CAPN2: variants seen among roughly 807,000 people sequenced by gnomAD.
CAPN2 encodes the protein calpain-2 catalytic subunit.
In CAPN2, 92 loss-of-function variants were observed where a neutral mutation model predicts 102.3. That is an observed-to-expected ratio of 0.90 (90% CI 0.76 to 1.07). The LOEUF (loss-of-function observed/expected upper bound fraction) is 1.07. Ranked by LOEUF, CAPN2 falls within the 50% of genes least tolerant of loss-of-function variation. CAPN2 has a pLI of 0.00. For missense variants in CAPN2, 800 were observed against 909.4 expected (o/e 0.88, Z 1.55); for synonymous variants, 340 against 355.4 (o/e 0.96, Z 0.49).
intron 2 of CAPN2, among the ~76,000 whole-genome samples, chr1:223,738,005 T>C (rs1660511116): frequency 6.6e-6 from 1 of 152,210 alleles, no homozygotes; most frequent in African/African-American, 2.4e-5. Context: ...AGTTCTATAC[T>C]GTTTTAATTG....
chr1:223,736,783 G>A (rs1015416633), intron 2 of CAPN2, among the ~76,000 whole-genome samples: 3 of 152,180 alleles, frequency 2.0e-5, no homozygotes, highest in African/African-American at 4.8e-5. Context: ...GGTGGCTCAC[G>A]CCTGTAATCC....
chr1:223,708,342 T>G (rs369780589), upstream of CAPN2, among the ~76,000 whole-genome samples: 2 of 151,836 alleles, frequency 1.3e-5, no homozygotes, highest in Non-Finnish European at 2.9e-5. Context: ...GGAGAATCAC[T>G]TGAACCGGGA....
chr1:223,702,355 A>T (rs1200037266), intron 1 of CAPN2, among the ~76,000 whole-genome samples: 5 of 152,080 alleles, frequency 3.3e-5, no homozygotes, highest in African/African-American at 1.2e-4. Context: ...TGAGCCTGGA[A>T]GGTAGAGGTT....
Position 223,747,143 on chromosome 1 carries a change from C to T in CAPN2, c.707C>T (p.Ser236Phe), listed in dbSNP as rs140704789. 3,145 of 1,613,588 alleles carry T rather than the reference C, an allele frequency of 1.9e-3. 6 individuals are homozygous for T. Among genetic ancestry groups the T allele is most frequent in the Non-Finnish European group, 2.5e-3 (2,948 of 1,179,636 alleles). ...ATCCAGAAAGCTCTGCAAAAAGGCTCTCTCCTTGGCTGCTCCATCGACGTA... is the reference window on the plus strand; with the variant it reads ...ATCCAGAAAGCTCTGCAAAAAGGCTTTCTCCTTGGCTGCTCCATCGACGTA... ...KIIQKALQKG[S>F]LLGCSIDITS... The change falls in exon 5 of 21, where the codon TCT (serine) becomes TTT (phenylalanine). Residue 236 changes from serine to phenylalanine, a missense_variant. Coordinates refer to ENST00000295006, the MANE Select transcript of CAPN2 (RefSeq NM_001748.5).
intron 2 of CAPN2, among the ~76,000 whole-genome samples, chr1:223,719,805 CGTGTGTGTGT>C (rs10556130): frequency 7.0e-6 from 1 of 143,658 alleles, no homozygotes; most frequent in African/African-American, 2.7e-5. Flanking sequence ...GGGGTGTGTG[CGTGTGTGTGT>C]GTGTGTGTGT....
Position 223,759,479 on chromosome 1 carries a change from C to T in CAPN2, c.1527C>T (p.Tyr509=), listed in dbSNP as rs762646101. ...IRVFSEKKAD[Y]QAVDDEIEAN... ...TCTTTTCTGAAAAGAAAGCTGACTA[C>T]CAGTAGGCGGTTTGGTCCCTTCCTC... The change falls in exon 12 of 21, where the codon TAC becomes TAT. Residue 509 remains tyrosine, a splice_region_variant and synonymous_variant. Transcript: ENST00000295006. This position sits in a 1 kb window ranked among gnomAD's most constrained non-coding sequence, Gnocchi z 4.6. 1.2e-6 allele frequency: 2 copies of T among 1,613,592 alleles called. No individual in the cohort carries two copies. The highest frequency in any genetic ancestry group is 1.7e-5 in the Admixed American group (1 of 60,016).
chr1:223,764,966 C>A (rs1433324310), intron 15 of CAPN2, among the ~76,000 whole-genome samples: 2 of 152,220 alleles, frequency 1.3e-5, no homozygotes, highest in East Asian at 3.8e-4. Flanking sequence ...GGATCACCAG[C>A]AGGGAGGAGC....
rs7331 is a variant in CAPN2, at chr1:223,775,766, T to C, written c.*909T>C. The stretch of plus-strand genomic sequence containing the variant: ...CCTTGGGAAAATGCTAGCAACATTA[T>C]AGAAATTTTGCCTTGTTGCCTTATC... On this transcript the variant is annotated 3_prime_UTR_variant, in exon 21 of 21. Transcript: ENST00000295006. 0.11 allele frequency: 16,648 copies of C among 152,648 alleles called. 1,080 individuals carry two copies. Among genetic ancestry groups the C allele is most frequent in the African/African-American group, 0.18 (7,671 of 41,526 alleles). 9.5% of individuals were successfully genotyped at this position (152,648 alleles called of 1,614,324 possible).
chr1:223,722,867 G>A (rs187893929), intron 2 of CAPN2, among the ~76,000 whole-genome samples: 209 of 152,076 alleles, frequency 1.4e-3, no homozygotes, highest in Non-Finnish European at 2.3e-3. Flanking sequence ...TCTCTATTCC[G>A]GGATCCCATC....
At chr1:223,766,475 A>G (rs771776628) in intron 16 of CAPN2, 44 bp downstream of exon 16, 2 of 1,403,764 alleles carry the variant, frequency 1.4e-6, no homozygotes, top group Non-Finnish European at 2.0e-6. Flanking sequence ...GGGGGAGTTT[A>G]AAATCTCACT....
rs1189304513 is a variant in CAPN2 at position 223,774,955 on chromosome 1, T to C, written c.*98T>C. On this transcript the variant is annotated 3_prime_UTR_variant, in exon 21 of 21. Coordinates refer to ENST00000295006, the MANE Select transcript of CAPN2 (RefSeq NM_001748.5). Reference sequence around the variant, plus strand: ...ACTTTGTATCTGGACCTCAAAATTATGGGAACATTTACTTAAACGGATGAT... The same window carrying C: ...ACTTTGTATCTGGACCTCAAAATTACGGGAACATTTACTTAAACGGATGAT... The C allele has an allele frequency of 5.1e-6, 5 of 985,804 alleles. No homozygotes were observed. The highest frequency in any genetic ancestry group is 4.0e-5 in the Admixed American group (2 of 49,510). The allele number at this position is 985,804 out of a possible 1,614,324, so 61.1% of individuals were successfully genotyped here. A position where few individuals can be genotyped will look rare whatever the true frequency, so the allele number is the denominator to read the frequency against.
At chr1:223,774,132 G>A (rs1305001301) in intron 20 of CAPN2, among the ~76,000 whole-genome samples, 11 of 152,008 alleles carry the variant, frequency 7.2e-5, no homozygotes, top group Admixed American at 7.2e-4. Flanking sequence ...ATTCTTGCTG[G>A]ATATCCTATT....
In CAPN2 at chr1:223,766,360, C is replaced by T; in HGVS notation, c.1691-7C>T. ...ATTTTTCCTGTCACACTGATTTTGT[C>T]TTTTAGGCCAAGATATCAAGTCAGA... is the stretch of plus-strand genomic sequence containing the variant. On this transcript the variant is annotated splice_polypyrimidine_tract_variant and splice_region_variant and intron_variant, in intron 15 of 20. Transcript: ENST00000295006. 1 of 1,612,056 alleles carries T rather than the reference C, an allele frequency of 6.2e-7. No homozygotes were observed. The highest frequency in any genetic ancestry group is 8.5e-7 in the Non-Finnish European group (1 of 1,178,150).
At chr1:223,758,535 G>C (rs554168516) in intron 11 of CAPN2, 1 of 152,332 alleles carries the variant, frequency 6.6e-6, no homozygotes, top group Non-Finnish European at 1.5e-5. Context: ...CCATGTGGAC[G>C]CTGTTCCTGC....
chr1:223,761,492 T>G (rs1661183500), intron 12 of CAPN2, 89 bp from the exon 13 acceptor site: 1 of 1,074,584 alleles, frequency 9.3e-7, no homozygotes, highest in African/African-American at 1.5e-5. Context: ...CCTGCTGGAT[T>G]TAGCACTGCA....
At chr1:223,739,164 G>A (rs1429474678) in intron 2 of CAPN2, among the ~76,000 whole-genome samples, 1 of 149,710 alleles carries the variant, frequency 6.7e-6, no homozygotes, top group East Asian at 2.0e-4. Flanking sequence ...TTATCAACAG[G>A]TAACCAAGCA....
chr1:223,755,745 TC>T lies in CAPN2; in HGVS notation c.1305+99del. 8.0e-7 allele frequency: 1 copy of T among 1,254,520 alleles called. No individual in the cohort carries two copies. Among genetic ancestry groups the T allele is most frequent in the Non-Finnish European group, 1.1e-6 (1 of 926,598 alleles). 77.7% of individuals were successfully genotyped at this position (1,254,520 alleles called of 1,614,324 possible). A position where few individuals can be genotyped will look rare whatever the true frequency, so the allele number is the denominator to read the frequency against. On this transcript the variant is annotated intron_variant, in intron 10 of 20. Transcript: ENST00000295006. This position sits in a 1 kb window ranked among gnomAD's most constrained non-coding sequence, Gnocchi z 4.1. ...CCCAGAGGCAGAACTGGGGATGGGATCCCAGACCGGGAGCTTGGCCAAGGAA... is the reference window on the plus strand; with the variant it reads ...CCCAGAGGCAGAACTGGGGATGGGATCCAGACCGGGAGCTTGGCCAAGGAA...
rs888539868 is a variant in CAPN2, at chr1:223,755,614, G to A, written c.1270G>A (p.Glu424Lys). 2 of 1,609,688 alleles carry A rather than the reference G, an allele frequency of 1.2e-6. No homozygotes were observed. The highest frequency in any genetic ancestry group is 1.7e-6 in the Non-Finnish European group (2 of 1,178,050). ...KHRRRQRKMG[E>K]DMHTIGFGIY... ...CCGACGGCGGCAGAGGAAGATGGGC[G>A]AGGACATGCACACCATCGGCTTTGG... Residue 424 changes from glutamate (E) to lysine (K), a missense_variant, in exon 10 of 21, where the codon GAG becomes AAG. By Grantham distance (56) the Glu-to-Lys change is moderately conservative. Transcript: ENST00000295006. The surrounding 1 kb of genome is among the most constrained non-coding windows in gnomAD (Gnocchi z 4.1).
chr1:223,751,122 A>G, intron 7 of CAPN2, 147 bp downstream of exon 7: 1 of 707,718 alleles, frequency 1.4e-6, no homozygotes, highest in East Asian at 2.8e-5. Flanking sequence ...ACCCGTGGAC[A>G]GGGGCCCCTC....
Sources: allele counts gnomAD v4.1 joint callset (sites outside exome capture counted in the v4.1 genomes callset), GRCh38; gene constraint gnomAD v4.1.1; non-coding constraint Gnocchi (gnomAD v3.1); transcripts MANE v1.5; gene names NCBI Gene and HGNC (gene_info 2026-07-23, HGNC 2026-07-21).